The following MFSD12 variants were observed in gnomAD, a reference collection of about 807,000 sequenced individuals.
The protein encoded by MFSD12 is major facilitator superfamily domain containing 12, also known as major facilitator superfamily domain-containing protein 12.
In MFSD12, 67 loss-of-function variants were observed where a neutral mutation model predicts 51.2. That is an observed-to-expected ratio of 1.31 (90% CI 1.08 to 1.60). MFSD12 has a LOEUF of 1.60. Ranked by LOEUF, MFSD12 falls within the 40% of genes most tolerant of loss-of-function variation. The pLI, the probability that MFSD12 is intolerant of heterozygous loss-of-function variation, is 0.00. For missense variants in MFSD12, 921 were observed against 673.0 expected, an observed-to-expected ratio of 1.37 and a Z score of -4.08; for synonymous variants, 441 against 316.7, an observed-to-expected ratio of 1.39 and a Z score of -4.17.
intron 2 of MFSD12, among the ~76,000 whole-genome samples, chr19:3,549,233 T>C (rs900046644): frequency 6.6e-6 from 1 of 152,054 alleles, no homozygotes; most frequent in Non-Finnish European, 1.5e-5. Flanking sequence ...TGTACCCAGG[T>C]GTAATAGAAA....
At chr19:3,544,060 C>T (rs1311792146), downstream of MFSD12, 4 of 1,481,382 alleles carry the variant, frequency 2.7e-6, no homozygotes, top group Non-Finnish European at 2.7e-6. Flanking sequence ...GATGAGGGGG[C>T]ACTAACCTAG....
intron 4 of MFSD12, 63 bp from the exon 5 acceptor site, chr19:3,547,610 A>C (rs1281139474): frequency 6.8e-7 from 1 of 1,465,824 alleles, no homozygotes; most frequent in African/African-American, 1.4e-5. Flanking sequence ...TCCCACCAGC[A>C]GGGGGCACCG....
chr19:3,543,045 A>T, downstream of MFSD12: 2 of 1,605,188 alleles, frequency 1.2e-6, no homozygotes, highest in Non-Finnish European at 8.5e-7. Context: ...AGGGGGAGTC[A>T]GCCTCTCTCC....
Position 3,546,321 on chromosome 19 carries a change from A to T in MFSD12, c.1128T>A (p.Gly376=). Reference sequence around the variant, plus strand: ...TGACGAGGATGGTGGCACAGCCAGCACCCAGCAGCACAGCCGCTGCGTACA... The same window carrying T: ...TGACGAGGATGGTGGCACAGCCAGCTCCCAGCAGCACAGCCGCTGCGTACA... ...VAVYAAAVLL[G]AGCATILVTS... The change falls in exon 7 of 10, where the codon GGT becomes GGA. Residue 376 remains glycine, a synonymous_variant. Coordinates refer to ENST00000355415, the MANE Select transcript of MFSD12 (RefSeq NM_174983.5). 2 of 1,608,638 alleles carry T rather than the reference A, an allele frequency of 1.2e-6. No individual in the cohort carries two copies. Among genetic ancestry groups the T allele is most frequent in the Non-Finnish European group, 1.7e-6 (2 of 1,178,278 alleles).
chr19:3,555,085 T>A (rs748523872), intron 1 of MFSD12, among the ~76,000 whole-genome samples: 1 of 152,142 alleles, frequency 6.6e-6, no homozygotes, highest in Non-Finnish European at 1.5e-5. Flanking sequence ...TCGGTTGCTG[T>A]TTCTGTTTGT....
At chr19:3,542,864 G>C (rs1027661883), downstream of MFSD12, 23 of 1,388,986 alleles carry the variant, frequency 1.7e-5, no homozygotes, top group Non-Finnish European at 2.0e-5. Context: ...CAGGCCAGGG[G>C]GGCTTCCCAG....
In MFSD12 at chr19:3,544,795, G is replaced by A. The variant is rs201375603; in HGVS notation, c.1420+14C>T. On this transcript the variant is annotated intron_variant, in intron 9 of 9. Transcript: ENST00000355415. ...GGTCAGTGTCTGGGGAGGGAGGGGT[G>A]GGCCAGGACTCACAGCGTCGCAGGC... 1 of 1,610,118 alleles carries A rather than the reference G, an allele frequency of 6.2e-7. No homozygotes were observed. Among genetic ancestry groups the A allele is most frequent in the Non-Finnish European group, 8.5e-7 (1 of 1,177,782 alleles).
chr19:3,539,371 C>G, downstream of MFSD12: 1 of 675,320 alleles, frequency 1.5e-6, no homozygotes, highest in Non-Finnish European at 2.6e-6. Context: ...CTCGTTATTC[C>G]TAAAAGGCTC....
chr19:3,546,426 C>T lies in MFSD12; in HGVS notation c.1024-1G>A. ...CCAGGAGGCCTGAGAAGTAGGTCATCTGCAGGGACAGCCCCGGGGTCAGGC... is the reference window on the plus strand; with the variant it reads ...CCAGGAGGCCTGAGAAGTAGGTCATTTGCAGGGACAGCCCCGGGGTCAGGC... On this transcript the variant is annotated splice_acceptor_variant, in intron 6 of 9. Coordinates refer to ENST00000355415, the MANE Select transcript of MFSD12 (RefSeq NM_174983.5). LOFTEE classifies it high-confidence loss of function. 6.2e-7 allele frequency: 1 copy of T among 1,603,324 alleles called. No individual in the cohort carries two copies. Among genetic ancestry groups the T allele is most frequent in the Non-Finnish European group, 8.5e-7 (1 of 1,175,766 alleles).
chr19:3,555,657 T>C (rs1030563124), intron 1 of MFSD12, among the ~76,000 whole-genome samples: 5 of 152,080 alleles, frequency 3.3e-5, no homozygotes, highest in African/African-American at 1.2e-4. Context: ...CCACTGCCTC[T>C]TGCAAAAAAT....
intron 1 of MFSD12, among the ~76,000 whole-genome samples, chr19:3,552,790 T>C (rs1014012169): frequency 6.6e-6 from 1 of 152,130 alleles, no homozygotes. Context: ...GGCTGTTACT[T>C]CAGTATCTTC....
intron 2 of MFSD12, among the ~76,000 whole-genome samples, chr19:3,548,880 C>T (rs572665701): frequency 5.3e-5 from 8 of 152,292 alleles, no homozygotes; most frequent in Admixed American, 3.9e-4. Flanking sequence ...GTGTCGTTAG[C>T]GCCTGCACCT....
chr19:3,547,179 G>A, intron 6 of MFSD12, 93 bp downstream of exon 6: 2 of 1,138,984 alleles, frequency 1.8e-6, no homozygotes, highest in Admixed American at 3.4e-5. Flanking sequence ...GGAGGCCTGA[G>A]AGCATCCGAG....
At chr19:3,543,487 C>T, downstream of MFSD12, 8 of 1,519,524 alleles carry the variant, frequency 5.3e-6, no homozygotes, top group East Asian at 2.5e-5. Context: ...AGTGCCCCCC[C>T]CCCCGCCCTG....
downstream of MFSD12, chr19:3,543,485 C>CCA (rs1568250237): frequency 2.0e-6 from 3 of 1,516,574 alleles, no homozygotes; most frequent in African/African-American, 2.8e-5. Context: ...TGAGTGCCCC[C>CCA]CCCCCCGCCC....
chr19:3,544,573 C>T lies in MFSD12; in HGVS notation c.*137G>A. ...CCTGCTGCCCTCACCCGACCCCACCCCCGGGAGCTGGGTGAGGATGGAGGG... is the reference window on the plus strand; with the variant it reads ...CCTGCTGCCCTCACCCGACCCCACCTCCGGGAGCTGGGTGAGGATGGAGGG... On this transcript the variant is annotated 3_prime_UTR_variant, in exon 10 of 10. Coordinates refer to ENST00000355415, the MANE Select transcript of MFSD12 (RefSeq NM_174983.5). 2.1e-6 allele frequency: 3 copies of T among 1,458,144 alleles called. No homozygotes were observed. Among genetic ancestry groups the T allele is most frequent in the Non-Finnish European group, 2.7e-6 (3 of 1,109,652 alleles). The allele number at this position is 1,458,144 out of a possible 1,614,324, so 90.3% of individuals were successfully genotyped here.
downstream of MFSD12, chr19:3,543,017 G>A (rs777985887): frequency 4.4e-6 from 7 of 1,604,414 alleles, no homozygotes; most frequent in South Asian, 7.8e-5. Context: ...GGGTGCTTGG[G>A]GTGCGATGTG....
In MFSD12 at chr19:3,544,621, G is replaced by T; in HGVS notation, c.*89C>A. The T allele has an allele frequency of 6.6e-7, 1 of 1,516,300 alleles. No individual in the cohort carries two copies. Among genetic ancestry groups the T allele is most frequent in the Admixed American group, 2.0e-5 (1 of 49,412 alleles). The allele number at this position is 1,516,300 out of a possible 1,614,324, so 93.9% of individuals were successfully genotyped here. ...GGGTGGGGGTCCAGAGAAGAGTGAGGGGCAGTGGGGGCTTTTCCCCAAGGC... is the reference window on the plus strand; with the variant it reads ...GGGTGGGGGTCCAGAGAAGAGTGAGTGGCAGTGGGGGCTTTTCCCCAAGGC... On this transcript the variant is annotated 3_prime_UTR_variant, in exon 10 of 10. Transcript: ENST00000355415.
intron 4 of MFSD12, chr19:3,538,956 G>A (rs1422256434): frequency 3.0e-5 from 19 of 639,002 alleles, no homozygotes; most frequent in Admixed American, 1.4e-4. Flanking sequence ...TCAGGGCCAC[G>A]GACCCCACCT....
Sources: allele counts gnomAD v4.1 joint callset (sites outside exome capture counted in the v4.1 genomes callset), GRCh38; gene constraint gnomAD v4.1.1; transcripts MANE v1.5; gene names NCBI Gene and HGNC (gene_info 2026-07-23, HGNC 2026-07-21).